Variants in MBD1 observed in about 807,000 individuals in gnomAD.
MBD1 encodes the protein methyl-CpG-binding domain protein 1.
Under a neutral mutation model 82.6 loss-of-function variants are expected in MBD1, and 25 were observed. The observed-to-expected ratio is 0.30, with a 90% CI of 0.22 to 0.42. The LOEUF (loss-of-function observed/expected upper bound fraction) is 0.42, where lower values mean the gene tolerates loss of function less well. MBD1 is among the 10% of genes least tolerant of loss of function. MBD1 has a pLI of 1.00. For synonymous variants in MBD1, 301 were observed against 303.7 expected (o/e 0.99, Z 0.09); for missense variants, 627 against 819.6 (o/e 0.76, Z 2.87).
rs1247824582 is a variant in MBD1 at position 50,275,279 on chromosome 18, G to C, written c.793-34C>G. ...GATCAGAAAGGGTGGTTTCAGCTTG[G>C]TGGCACCAGGCAGACACAGAAACTC... On this transcript the variant is annotated intron_variant, in intron 8 of 16. Coordinates refer to ENST00000269468, the MANE Select transcript of MBD1 (RefSeq NM_015846.4). 3.7e-6 allele frequency: 6 copies of C among 1,611,474 alleles called. No homozygotes were observed. In the East Asian group the frequency reaches 1.3e-4, roughly 36 times the overall value.
chr18:50,272,580 C>G (rs1173490144), intron 15 of MBD1, 97 bp downstream of exon 15: 2 of 1,384,746 alleles, frequency 1.4e-6, no homozygotes, highest in African/African-American at 2.8e-5. Context: ...TTACCTCCCA[C>G]CACACCATGC....
rs1040911984 is a variant in MBD1 at position 50,276,713 on chromosome 18, C to A, written c.424G>T (p.Gly142Trp). The change falls in exon 5 of 17, where the codon GGG becomes TGG. Residue 142 changes from glycine (G) to tryptophan (W), a missense_variant. Gly to Trp is a radical substitution (Grantham distance 184). Transcript: ENST00000269468. ...CCENCGISFSGDGTQRQRLKT... is the reference protein window; with the variant it reads ...CCENCGISFSWDGTQRQRLKT... ...AGCCGCTGCCTTTGGGTGCCATCCC[C>A]TGAGAAGCTGATTCCACAGTTCTCA... is the stretch of plus-strand genomic sequence containing the variant. 6.2e-7 allele frequency: 1 copy of A among 1,614,110 alleles called. No individual in the cohort carries two copies. The highest frequency in any genetic ancestry group is 1.3e-5 in the African/African-American group (1 of 74,938).
downstream of MBD1, chr18:50,267,532 G>C (rs2034051105): frequency 8.6e-7 from 1 of 1,168,840 alleles, no homozygotes; most frequent in Non-Finnish European, 1.2e-6. Context: ...ATGTGGATCA[G>C]AAGTCCAGTA....
At chr18:50,275,363 C>T in intron 8 of MBD1, 118 bp from the exon 9 acceptor site, 1 of 1,611,654 alleles carries the variant, frequency 6.2e-7, no homozygotes. Context: ...TGGCGTGAGG[C>T]ACTCACAGTT....
downstream of MBD1, chr18:50,267,703 C>T: frequency 7.2e-7 from 1 of 1,395,982 alleles, no homozygotes; most frequent in Non-Finnish European, 9.8e-7. Flanking sequence ...TACTCCCATT[C>T]TAAAGTGGGG....
At chr18:50,270,776 A>G (rs912933481) in intron 16 of MBD1, 5 of 179,096 alleles carry the variant, frequency 2.8e-5, no homozygotes, top group African/African-American at 1.2e-4. Context: ...GGGATTTATT[A>G]TAGTAATTAT....
At chr18:50,277,258 T>C in intron 2 of MBD1, 54 bp from the exon 3 acceptor site, 1 of 1,394,872 alleles carries the variant, frequency 7.2e-7, no homozygotes, top group Admixed American at 1.8e-5. Context: ...GCCATTTCAC[T>C]CATACAACCT....
rs1382174417 is a variant in MBD1 at position 50,279,965 on chromosome 18, C to G, written c.28G>C (p.Ala10Pro). The change falls in exon 2 of 17, where the codon GCC becomes CCC. Residue 10 changes from alanine to proline, a missense_variant. By Grantham distance (27) the Ala-to-Pro change is conservative. Transcript: ENST00000269468. The stretch of plus-strand genomic sequence containing the variant: ...CGGCGCTTCCAGCCAGGGCCCAGGG[C>G]CGGGCAGTCCAGCCAGTCCTCAGCC... MAEDWLDCP[A>P]LGPGWKRREV... 5.6e-6 allele frequency: 9 copies of G among 1,611,080 alleles called. No homozygotes were observed. The highest frequency in any genetic ancestry group is 7.6e-6 in the Non-Finnish European group (9 of 1,179,884).
chr18:50,274,702 A>C (rs1430610880), intron 10 of MBD1, among the ~76,000 whole-genome samples: 2 of 151,916 alleles, frequency 1.3e-5, no homozygotes, highest in Non-Finnish European at 2.9e-5. Context: ...CACTGTGCCT[A>C]CTCTGTCGCT....
chr18:50,270,123 G>A, intron 16 of MBD1: 1 of 1,598,344 alleles, frequency 6.3e-7, no homozygotes, highest in Non-Finnish European at 8.5e-7. Flanking sequence ...ATCCAGTCTT[G>A]ACTAGGGCTG....
At position 50,272,928 on chromosome 18, in the gene MBD1, T is replaced by G; in HGVS notation, c.1612A>C (p.Lys538Gln). The change falls in exon 14 of 17, where the codon AAG becomes CAG. Residue 538 changes from lysine (K) to glutamine (Q), a missense_variant. By Grantham distance (53) the Lys-to-Gln change is moderately conservative (BLOSUM62 1). Coordinates refer to ENST00000269468, the MANE Select transcript of MBD1 (RefSeq NM_015846.4). ...KAVDPGLPSVKQEPPDPEEDK... is the reference protein window; with the variant it reads ...KAVDPGLPSVQQEPPDPEEDK... The stretch of plus-strand genomic sequence containing the variant: ...TCCTCTGGGTCAGGTGGCTCTTGCT[T>G]CACAGAAGGCAGGCCTGGGTCTACT... The G allele has an allele frequency of 3.1e-6, 5 of 1,614,170 alleles. No individual in the cohort carries two copies. The highest frequency in any genetic ancestry group is 4.2e-6 in the Non-Finnish European group (5 of 1,180,026).
At chr18:50,275,416 TGAC>T in intron 8 of MBD1, 171 bp from the exon 9 acceptor site, 2 of 1,605,160 alleles carry the variant, frequency 1.2e-6, no homozygotes, top group Non-Finnish European at 1.7e-6. Flanking sequence ...ACATCTCTGA[TGAC>T]GGCGACGCAG....
downstream of MBD1, chr18:50,268,738 G>C (rs1449785992): frequency 4.5e-6 from 1 of 224,140 alleles, no homozygotes; most frequent in Non-Finnish European, 7.5e-6. Flanking sequence ...AGGGTCCTTG[G>C]AAAGAAGTGA....
At chr18:50,277,511 T>A (rs934353364) in intron 2 of MBD1, among the ~76,000 whole-genome samples, 12 of 151,862 alleles carry the variant, frequency 7.9e-5, no homozygotes, top group African/African-American at 2.2e-4. Flanking sequence ...TATATTATAT[T>A]TGTGTTATAT....
At chr18:50,280,109 T>G in intron 1 of MBD1, 92 bp from the exon 2 acceptor site, 4 of 1,328,094 alleles carry the variant, frequency 3.0e-6, no homozygotes, top group South Asian at 1.3e-5. Context: ...TATCCATTAG[T>G]GCTTGCCCAA....
chr18:50,273,309 A>G, intron 13 of MBD1, 25 bp downstream of exon 13: 6 of 1,613,640 alleles, frequency 3.7e-6, no homozygotes, highest in Non-Finnish European at 5.1e-6. Flanking sequence ...TACGGCACCA[A>G]CAGAACATCC....
intron 2 of MBD1, 42 bp downstream of exon 2, chr18:50,279,841 G>A (rs1325984874): frequency 6.2e-7 from 1 of 1,613,028 alleles, no homozygotes. Context: ...CCAGAATCAG[G>A]CTCTACCCCA....
chr18:50,274,937 T>G, intron 10 of MBD1, 40 bp downstream of exon 10: 143 of 1,595,330 alleles, frequency 9.0e-5, no homozygotes, highest in Non-Finnish European at 1.1e-4. Context: ...CCAAGCGTCC[T>G]GAGATTCTAG....
chr18:50,280,714 T>C (rs981798677), intron 1 of MBD1, among the ~76,000 whole-genome samples: 1 of 151,740 alleles, frequency 6.6e-6, no homozygotes, highest in African/African-American at 2.4e-5. Context: ...CCCCTTATTT[T>C]TCTTCTCCTT....
Sources: allele counts gnomAD v4.1 joint callset (sites outside exome capture counted in the v4.1 genomes callset), GRCh38; gene constraint gnomAD v4.1.1; transcripts MANE v1.5; gene names NCBI Gene and HGNC (gene_info 2026-07-23, HGNC 2026-07-21).